EML5: variants seen among roughly 807,000 people sequenced by gnomAD.
The protein encoded by EML5 is EMAP like 5, also known as echinoderm microtubule-associated protein-like 5.
A neutral mutation model predicts 250.0 loss-of-function variants in EML5; 120 were observed. The ratio of observed to expected loss-of-function variants is 0.48; its 90% CI spans 0.41 to 0.56. EML5 has a LOEUF of 0.56. Among genes scored for constraint, EML5 ranks in the 20% least tolerant of loss-of-function variants. EML5 has a pLI of 0.00. For missense variants in EML5, 2,006 were observed against 2,437.6 expected (o/e 0.82, Z 3.73); for synonymous variants, 771 against 806.5 (o/e 0.96, Z 0.75).
intron 10 of EML5, among the ~76,000 whole-genome samples, chr14:88,708,489 A>G (rs550353570): frequency 6.6e-6 from 1 of 152,278 alleles, no homozygotes; most frequent in South Asian, 2.1e-4. Context: ...ATATTTGAAG[A>G]AAGAGAAAAA....
At chr14:88,633,734 G>A (rs965439291) in intron 33 of EML5, among the ~76,000 whole-genome samples, 1 of 152,040 alleles carries the variant, frequency 6.6e-6, no homozygotes, top group Admixed American at 6.6e-5. Context: ...GCATGGTCGT[G>A]TCAAATAAAG....
chr14:88,722,104 T>C (rs1335509195), intron 8 of EML5, among the ~76,000 whole-genome samples: 2 of 152,062 alleles, frequency 1.3e-5, no homozygotes, highest in Non-Finnish European at 2.9e-5. Flanking sequence ...TATTAAAAAG[T>C]CAATAAACAA....
chr14:88,636,066 G>A (rs2090707368), intron 32 of EML5, among the ~76,000 whole-genome samples: 1 of 152,126 alleles, frequency 6.6e-6, no homozygotes, highest in Non-Finnish European at 1.5e-5. Context: ...CTTAAGACAT[G>A]TGGTTATCCT....
Position 88,770,265 on chromosome 14 carries a change from A to C in EML5, c.198-15594T>G, listed in dbSNP as rs1432038397. Among the ~76,000 whole-genome samples the C allele has an allele frequency of 2.6e-5, 4 of 152,134 alleles. No individual in the cohort carries two copies. The South Asian group carries it at 6.2e-4, about 24-fold the overall frequency. On this transcript the variant is annotated intron_variant, in intron 1 of 43. Coordinates refer to ENST00000554922, the MANE Select transcript of EML5 (RefSeq NM_183387.3). ...TTGTCTTCACTTACCTGGAGGTCTGATAAGTTATTTTAATGAGGTTCAATT... is the reference window on the plus strand; with the variant it reads ...TTGTCTTCACTTACCTGGAGGTCTGCTAAGTTATTTTAATGAGGTTCAATT...
intron 40 of EML5, 112 bp downstream of exon 40, chr14:88,618,538 G>A (rs2088168720): frequency 1.6e-6 from 2 of 1,282,272 alleles, no homozygotes; most frequent in East Asian, 5.0e-5. Context: ...GGTACAAAGG[G>A]AGGAGTTGAG....
intron 1 of EML5, among the ~76,000 whole-genome samples, chr14:88,759,005 G>A (rs1440827657): frequency 2.6e-5 from 4 of 152,160 alleles, no homozygotes; most frequent in Admixed American, 6.5e-5. Flanking sequence ...AAGGAGAGGA[G>A]AATGGATAAG....
At chr14:88,761,644 C>T (rs1028579636) in intron 1 of EML5, among the ~76,000 whole-genome samples, 12 of 152,134 alleles carry the variant, frequency 7.9e-5, no homozygotes, top group Admixed American at 1.3e-4. Flanking sequence ...GTGAACAGTG[C>T]TGTAATAAAC....
At chr14:88,621,395 A>G in intron 37 of EML5, 94 bp from the exon 38 acceptor site, 3 of 1,511,346 alleles carry the variant, frequency 2.0e-6, no homozygotes, top group Non-Finnish European at 2.7e-6. Flanking sequence ...CTGCTTTCAG[A>G]GAACTTTTTG....
At chr14:88,653,447 CTTA>C (rs1284189744) in intron 27 of EML5, among the ~76,000 whole-genome samples, 3 of 152,020 alleles carry the variant, frequency 2.0e-5, no homozygotes, top group Non-Finnish European at 4.4e-5. Flanking sequence ...ATAAATAGCT[CTTA>C]TTACTTTGAG....
At chr14:88,709,842 G>C (rs572018736) in intron 10 of EML5, among the ~76,000 whole-genome samples, 1 of 152,254 alleles carries the variant, frequency 6.6e-6, no homozygotes, top group Admixed American at 6.5e-5. Context: ...GTGAAAAAAA[G>C]GCATTAAAGC....
intron 7 of EML5, among the ~76,000 whole-genome samples, chr14:88,735,664 T>C (rs888171335): frequency 2.0e-5 from 3 of 152,192 alleles, no homozygotes; most frequent in Non-Finnish European, 4.4e-5. Context: ...TGACTACTGC[T>C]AAACATTTAT....
chr14:88,629,439 T>TAC (rs1324003995), intron 33 of EML5, among the ~76,000 whole-genome samples: 1 of 152,220 alleles, frequency 6.6e-6, no homozygotes, highest in African/African-American at 2.4e-5. Flanking sequence ...GTCACACACT[T>TAC]AGACTGTTCT....
At chr14:88,772,822 T>C (rs1595852867) in intron 1 of EML5, among the ~76,000 whole-genome samples, 2 of 152,154 alleles carry the variant, frequency 1.3e-5, no homozygotes, top group African/African-American at 4.8e-5. Flanking sequence ...TTTTGTTCAC[T>C]ACACTCCAGC....
chr14:88,711,543 T>C (rs1276748696), intron 10 of EML5, among the ~76,000 whole-genome samples: 2 of 151,612 alleles, frequency 1.3e-5, no homozygotes, highest in African/African-American at 4.9e-5. Flanking sequence ...TCACTCACTA[T>C]CACAACAGCA....
At chr14:88,643,963 T>G (rs2140670462) in intron 30 of EML5, among the ~76,000 whole-genome samples, 1 of 152,324 alleles carries the variant, frequency 6.6e-6, no homozygotes, top group African/African-American at 2.4e-5. Context: ...AGAGCCTTCC[T>G]TCTTCCTCAA....
intron 17 of EML5, among the ~76,000 whole-genome samples, chr14:88,692,691 G>A (rs891349036): frequency 1.3e-5 from 2 of 152,184 alleles, no homozygotes; most frequent in African/African-American, 4.8e-5. Flanking sequence ...GCAATTACAA[G>A]TGACTAAGGT....
intron 29 of EML5, among the ~76,000 whole-genome samples, chr14:88,645,421 C>T (rs2091301017): frequency 6.6e-6 from 1 of 152,180 alleles, no homozygotes; most frequent in Non-Finnish European, 1.5e-5. Context: ...ATTTAACATA[C>T]TCAAATATTT....
At chr14:88,657,145 C>G (rs35269875) in intron 27 of EML5, among the ~76,000 whole-genome samples, 27,792 of 152,038 alleles carry the variant, frequency 0.18, 3,058 homozygotes, top group East Asian at 0.47. Flanking sequence ...AAACACACAC[C>G]ACTAAACCTG....
chr14:88,732,380 G>A (rs932362404), intron 7 of EML5, among the ~76,000 whole-genome samples: 6 of 152,270 alleles, frequency 3.9e-5, no homozygotes, highest in Admixed American at 3.3e-4. Flanking sequence ...GGTTGTAGAT[G>A]TGTGGTATTA....
Sources: gnomAD v4.1 joint callset for allele counts (sites outside exome capture counted in the v4.1 genomes callset) on GRCh38, gnomAD v4.1.1 for gene constraint, MANE v1.5 for transcripts, NCBI Gene and HGNC (gene_info 2026-07-23, HGNC 2026-07-21) for gene names.